Variants in ZNF710 observed in about 807,000 individuals in gnomAD.
ZNF710 encodes the protein zinc finger protein 710.
ZNF710 carries 13 observed loss-of-function variants against 50.6 expected under a neutral mutation model. The observed-to-expected ratio is 0.26, with a 90% CI of 0.17 to 0.41. The LOEUF is 0.41. Ranked by LOEUF, ZNF710 falls within the 10% of genes least tolerant of loss-of-function variation. The pLI, the probability that ZNF710 is intolerant of heterozygous loss-of-function variation, is 1.00. For missense variants in ZNF710, 721 were observed against 936.6 expected (o/e 0.77, Z 3.01); for synonymous variants, 383 against 397.0 (o/e 0.96, Z 0.42).
chr15:90,045,112 TC>T (rs1252978241), intron 1 of ZNF710, among the ~76,000 whole-genome samples: 1 of 152,194 alleles, frequency 6.6e-6, no homozygotes, highest in Non-Finnish European at 1.5e-5. Flanking sequence ...TTTATCCATC[TC>T]CTGGGAGTTG....
chr15:90,005,529 A>C (rs1052782138), intron 1 of ZNF710, among the ~76,000 whole-genome samples: 1 of 152,140 alleles, frequency 6.6e-6, no homozygotes, highest in African/African-American at 2.4e-5. Flanking sequence ...GCTCACTGCA[A>C]CCTTCGCCTC....
At position 90,059,062 on chromosome 15, in the gene ZNF710, G is replaced by A. The variant is rs563485607; in HGVS notation, c.-28-8048G>A. Among the ~76,000 whole-genome samples the A allele has an allele frequency of 7.2e-5, 11 of 152,340 alleles. No homozygotes were observed. Among genetic ancestry groups the A allele is most frequent in the African/African-American group, 2.2e-4 (9 of 41,574 alleles). On this transcript the variant is annotated intron_variant, in intron 1 of 4. Coordinates refer to ENST00000268154, the MANE Select transcript of ZNF710 (RefSeq NM_198526.4). The surrounding 1 kb of genome is among the most constrained non-coding windows in gnomAD (Gnocchi z 4.1). Reference sequence around the variant, plus strand: ...GGCACCATAGCTTAGCCAAGATGACGCATATGATTTACCACGACAGTGATG... The same window carrying A: ...GGCACCATAGCTTAGCCAAGATGACACATATGATTTACCACGACAGTGATG...
intron 1 of ZNF710, among the ~76,000 whole-genome samples, chr15:90,016,912 A>T (rs533911528): frequency 4.1e-4 from 62 of 152,330 alleles, no homozygotes; most frequent in Admixed American, 1.6e-3. Context: ...CAGCCACATC[A>T]GACACTTCGA....
intron 3 of ZNF710, among the ~76,000 whole-genome samples, chr15:90,073,685 G>C (rs758208569): frequency 6.6e-6 from 1 of 152,096 alleles, no homozygotes; most frequent in Non-Finnish European, 1.5e-5. Flanking sequence ...AGAGAGAACT[G>C]TCCATAAAGA....
Position 90,068,043 on chromosome 15 carries a change from G to A in ZNF710, c.906G>A (p.Lys302=). The A allele has an allele frequency of 6.2e-7, 1 of 1,614,234 alleles. No individual in the cohort carries two copies. Among genetic ancestry groups the A allele is most frequent in the Non-Finnish European group, 8.5e-7 (1 of 1,180,040 alleles). The change falls in exon 2 of 5, where the codon AAG becomes AAA. Residue 302 remains lysine, a synonymous_variant. Transcript: ENST00000268154. This position sits in a 1 kb window ranked among gnomAD's most constrained non-coding sequence, Gnocchi z 5.0. ...QKRWQCRMCE[K]SYTSKYNLVT... is the part of the protein sequence containing the mutation. ...GCTGGCAGTGCCGCATGTGCGAGAA[G>A]TCCTACACGTCCAAGTACAACCTGG...
At chr15:90,058,785 G>A (rs1485648379) in intron 1 of ZNF710, among the ~76,000 whole-genome samples, 1 of 151,786 alleles carries the variant, frequency 6.6e-6, no homozygotes, top group Non-Finnish European at 1.5e-5. Flanking sequence ...GTGATTGTGG[G>A]GGCTGGCAAG....
rs762258497 is a variant in ZNF710, at chr15:90,068,295, C to T, written c.1158C>T (p.Arg386=). The T allele has an allele frequency of 1.9e-5, 31 of 1,612,996 alleles. No homozygotes were observed. The highest frequency in any genetic ancestry group is 1.6e-4 in the Middle Eastern group (1 of 6,062). ...VKPYSCHFCG[R]GFAYPSELKA... Reference sequence around the variant, plus strand: ...CCTACAGCTGCCACTTCTGCGGCCGCGGCTTCGCCTACCCCAGCGAGCTCA... The same window carrying T: ...CCTACAGCTGCCACTTCTGCGGCCGTGGCTTCGCCTACCCCAGCGAGCTCA... The change falls in exon 2 of 5, where the codon CGC becomes CGT. Residue 386 remains arginine, a synonymous_variant. Transcript: ENST00000268154. The surrounding 1 kb of genome is among the most constrained non-coding windows in gnomAD (Gnocchi z 5.0).
chr15:90,012,816 G>A (rs112096092), intron 1 of ZNF710, among the ~76,000 whole-genome samples: 2,358 of 152,072 alleles, frequency 0.016, 38 homozygotes, highest in South Asian at 0.059. Flanking sequence ...CATTGAGCTT[G>A]TAATGTGAAT....
chr15:90,017,531 G>A (rs754407890), intron 1 of ZNF710, among the ~76,000 whole-genome samples: 5 of 151,400 alleles, frequency 3.3e-5, no homozygotes, highest in Non-Finnish European at 5.9e-5. Context: ...GGTCCTTTTG[G>A]GCTGAGGAAT....
intron 1 of ZNF710, among the ~76,000 whole-genome samples, chr15:90,019,190 T>TC (rs1488462785): frequency 7.3e-6 from 1 of 137,826 alleles, no homozygotes; most frequent in African/African-American, 2.7e-5. Context: ...TTTCTTTCTT[T>TC]TTTTTTTTTT....
intron 1 of ZNF710, among the ~76,000 whole-genome samples, chr15:90,052,972 C>T (rs960042698): frequency 1.3e-5 from 2 of 151,296 alleles, no homozygotes; most frequent in Non-Finnish European, 3.0e-5. Context: ...AATAAAATGT[C>T]TATCTCCCTG....
Position 90,068,459 on chromosome 15 carries a change from A to G in ZNF710, c.1322A>G (p.Asp441Gly). 5.0e-6 allele frequency: 8 copies of G among 1,614,144 alleles called. No homozygotes were observed. Among genetic ancestry groups the G allele is most frequent in the Non-Finnish European group, 5.9e-6 (7 of 1,180,034 alleles). ...ACCCTCTACCAGTGCCTCGAGTGTG[A>G]CAAGTCCTTCCACTACCGCAGCCAG... ...GPTLYQCLEC[D>G]KSFHYRSQLQ... Residue 441 changes from aspartate (D) to glycine (G), a missense_variant, in exon 2 of 5, where the codon GAC (aspartate) becomes GGC (glycine). Physicochemically the swap from Asp to Gly is moderately conservative, Grantham distance 94. Transcript: ENST00000268154. The surrounding 1 kb of genome is among the most constrained non-coding windows in gnomAD (Gnocchi z 5.0).
At chr15:90,074,356 T>C (rs1364751598) in intron 4 of ZNF710, 66 bp downstream of exon 4, 2 of 1,597,916 alleles carry the variant, frequency 1.3e-6, no homozygotes, top group Admixed American at 1.7e-5. Flanking sequence ...AGGAGCCTCC[T>C]GCCCAGTTAG....
rs191302424 is a variant in ZNF710, at chr15:90,079,794, G to A, written c.1960G>A (p.Ala654Thr). Reference sequence around the variant, plus strand: ...CGAGGCCAGTGTCCTCACTGAACAGGCCATGAAAGAGATGGCCTACTACAA... The same window carrying A: ...CGAGGCCAGTGTCCTCACTGAACAGACCATGAAAGAGATGGCCTACTACAA... ...SAEASVLTEQ[A>T]MKEMAYYNVL Residue 654 changes from alanine (A) to threonine (T), a missense_variant, in exon 5 of 5, where the codon GCC becomes ACC. Physicochemically the swap from Ala to Thr is moderately conservative, Grantham distance 58. This residue lies in a region of ZNF710 where 69 missense variants were observed against 67.6 expected (regional missense o/e 1.02). Coordinates refer to ENST00000268154, the MANE Select transcript of ZNF710 (RefSeq NM_198526.4). The A allele has an allele frequency of 6.2e-7, 1 of 1,608,764 alleles. No homozygotes were observed. Among genetic ancestry groups the A allele is most frequent in the East Asian group, 2.2e-5 (1 of 44,768 alleles).
At chr15:90,054,955 CTT>C (rs1395888515) in intron 1 of ZNF710, among the ~76,000 whole-genome samples, 5 of 152,272 alleles carry the variant, frequency 3.3e-5, no homozygotes, top group South Asian at 4.1e-4. Flanking sequence ...CAAGGGGCCT[CTT>C]TTTTCTTTGC....
At chr15:90,036,816 C>T (rs1415267091) in intron 1 of ZNF710, among the ~76,000 whole-genome samples, 1 of 152,186 alleles carries the variant, frequency 6.6e-6, no homozygotes, top group East Asian at 1.9e-4. Context: ...CTGAGAATGG[C>T]ATCCAGACAT....
intron 1 of ZNF710, among the ~76,000 whole-genome samples, chr15:90,003,745 TAGCTG>T (rs939538177): frequency 6.6e-6 from 1 of 152,166 alleles, no homozygotes; most frequent in Admixed American, 6.5e-5. Flanking sequence ...TTGGTTTTAT[TAGCTG>T]ACCCTCAGGC....
intron 1 of ZNF710, among the ~76,000 whole-genome samples, chr15:90,026,977 A>G (rs1161829879): frequency 1.3e-5 from 2 of 152,242 alleles, no homozygotes; most frequent in Non-Finnish European, 2.9e-5. Context: ...GAGGTCTGCC[A>G]TCACCATCAC....
At chr15:90,064,725 T>C (rs780688100) in intron 1 of ZNF710, among the ~76,000 whole-genome samples, 7 of 152,160 alleles carry the variant, frequency 4.6e-5, no homozygotes, top group Non-Finnish European at 1.0e-4. Context: ...TGACCTCAAG[T>C]GATCTGCCCG....
Sources: allele counts gnomAD v4.1 joint callset (sites outside exome capture counted in the v4.1 genomes callset), GRCh38; gene constraint gnomAD v4.1.1; regional missense constraint gnomAD v4.1.1; non-coding constraint Gnocchi (gnomAD v3.1); transcripts MANE v1.5; gene names NCBI Gene and HGNC (gene_info 2026-07-23, HGNC 2026-07-21).